The following OR14I1 variants were observed in gnomAD, a reference collection of about 807,000 sequenced individuals.
The protein encoded by OR14I1 is olfactory receptor 14I1.
For missense variants in OR14I1, 279 were observed against 181.8 expected (o/e 1.53, Z -3.07); for synonymous variants, 118 against 71.1 (o/e 1.66, Z -3.32).
chr1:248,688,524 G>T, the OR14I1 span, among the ~76,000 whole-genome samples: 1 of 152,190 alleles, frequency 6.6e-6, no homozygotes, highest in Non-Finnish European at 1.5e-5. Context: ...ATACTAAGTG[G>T]GTGGAACCCA....
the OR14I1 span, chr1:248,692,810 A>G: frequency 2.0e-5 from 3 of 152,208 alleles, no homozygotes; most frequent in Non-Finnish European, 4.4e-5. Flanking sequence ...GTTCCTGCCT[A>G]TTATAGTTGT....
the OR14I1 span, among the ~76,000 whole-genome samples, chr1:248,695,125 GTCTC>G: frequency 3.5e-4 from 53 of 151,662 alleles, no homozygotes; most frequent in Admixed American, 3.9e-4. Flanking sequence ...GAATTGGAAG[GTCTC>G]TCTAACGTTA....
the OR14I1 span, among the ~76,000 whole-genome samples, chr1:248,693,265 G>A: frequency 1.3e-5 from 2 of 152,154 alleles, no homozygotes; most frequent in African/African-American, 2.4e-5. Context: ...CCTGGGTGGT[G>A]TACTGATTCA....
the OR14I1 span, among the ~76,000 whole-genome samples, chr1:248,701,019 G>T: frequency 6.6e-6 from 1 of 152,196 alleles, no homozygotes; most frequent in Non-Finnish European, 1.5e-5. Flanking sequence ...TCTCGTTGAT[G>T]CTACATTTCA....
the OR14I1 span, among the ~76,000 whole-genome samples, chr1:248,697,477 T>TAAAA: frequency 7.8e-6 from 1 of 127,690 alleles, no homozygotes; most frequent in African/African-American, 2.8e-5. Context: ...TGGTTAGGTT[T>TAAAA]AAAAAAAAAA....
chr1:248,685,754 A>G (rs1046714902), upstream of OR14I1, among the ~76,000 whole-genome samples: 10 of 149,974 alleles, frequency 6.7e-5, no homozygotes, highest in African/African-American at 2.2e-4. Context: ...ATAGTTGTGT[A>G]TATGTATACA....
the OR14I1 span, among the ~76,000 whole-genome samples, chr1:248,693,774 C>G: frequency 7.0e-6 from 1 of 142,574 alleles, no homozygotes; most frequent in Admixed American, 6.8e-5. Context: ...TCAATCAAAG[C>G]TCATTTAAAA....
chr1:248,678,743 A>C (rs1301906079), downstream of OR14I1, among the ~76,000 whole-genome samples: 1 of 152,206 alleles, frequency 6.6e-6, no homozygotes, highest in Admixed American at 6.5e-5. Context: ...TTTTTAGACA[A>C]GAGTTTTTAC....
chr1:248,682,030 T>C (rs761181774), exon 1 of OR14I1: 1 of 780,992 alleles, frequency 1.3e-6, no homozygotes, highest in Non-Finnish European at 2.4e-6. Context: ...ACAGCCAAGA[T>C]AAGAGATGGA....
the OR14I1 span, among the ~76,000 whole-genome samples, chr1:248,697,482 A>AG: frequency 4.0e-5 from 6 of 148,430 alleles, no homozygotes; most frequent in African/African-American, 1.3e-4. Context: ...AGGTTTAAAA[A>AG]AAAAAAAAAA....
the OR14I1 span, among the ~76,000 whole-genome samples, chr1:248,696,818 A>T: frequency 6.6e-6 from 1 of 151,914 alleles, no homozygotes; most frequent in African/African-American, 2.4e-5. Flanking sequence ...TGCTTCCTCC[A>T]TCTGAAAATG....
the OR14I1 span, among the ~76,000 whole-genome samples, chr1:248,700,055 C>T: frequency 6.6e-5 from 10 of 152,280 alleles, no homozygotes; most frequent in South Asian, 1.0e-3. Flanking sequence ...CCACCGCGTC[C>T]GGCCCACTGC....
At chr1:248,684,044 AC>A (rs1661604791), upstream of OR14I1, among the ~76,000 whole-genome samples, 1 of 150,970 alleles carries the variant, frequency 6.6e-6, no homozygotes, top group African/African-American at 2.4e-5. Flanking sequence ...AAAAGGAAAA[AC>A]AAAAAGAATT....
At chr1:248,699,390 A>G in the OR14I1 span, among the ~76,000 whole-genome samples, 5 of 152,252 alleles carry the variant, frequency 3.3e-5, no homozygotes, top group Non-Finnish European at 7.3e-5. Flanking sequence ...GGGTAAAAGT[A>G]GAAGACTGTG....
At chr1:248,702,496 T>C in the OR14I1 span, among the ~76,000 whole-genome samples, 1 of 152,206 alleles carries the variant, frequency 6.6e-6, no homozygotes, top group South Asian at 2.1e-4. Context: ...GTATCTACTT[T>C]CAGAGTATCT....
At chr1:248,690,600 CAA>C in the OR14I1 span, among the ~76,000 whole-genome samples, 7,746 of 50,538 alleles carry the variant, frequency 0.15, 138 homozygotes, top group East Asian at 0.22. Flanking sequence ...GTCTACCAAC[CAA>C]AAAAAAAAAA....
the OR14I1 span, among the ~76,000 whole-genome samples, chr1:248,699,745 C>T: frequency 6.7e-6 from 1 of 149,496 alleles, no homozygotes; most frequent in Non-Finnish European, 1.5e-5. Flanking sequence ...CTGCTGACTA[C>T]TTTTTGTTTT....
At chr1:248,700,326 A>G in the OR14I1 span, among the ~76,000 whole-genome samples, 1 of 152,256 alleles carries the variant, frequency 6.6e-6, no homozygotes, top group Non-Finnish European at 1.5e-5. Flanking sequence ...CCAACCAACT[A>G]TAGCGTGTAA....
the OR14I1 span, among the ~76,000 whole-genome samples, chr1:248,688,044 G>T: frequency 6.6e-6 from 1 of 152,036 alleles, no homozygotes; most frequent in Non-Finnish European, 1.5e-5. Flanking sequence ...TTTTTTATTT[G>T]CTCAGTTTCC....
Sources: gnomAD v4.1 joint callset for allele counts (sites outside exome capture counted in the v4.1 genomes callset) on GRCh38, gnomAD v4.1.1 for gene constraint, MANE v1.5 for transcripts, NCBI Gene and HGNC (gene_info 2026-07-23, HGNC 2026-07-21) for gene names.